Variants in MAP2 observed in about 807,000 individuals in gnomAD.
The protein encoded by MAP2 is microtubule-associated protein 2.
In MAP2, 14 loss-of-function variants were observed where a neutral mutation model predicts 137.6. The observed-to-expected ratio is 0.10, with a 90% CI of 0.07 to 0.16. MAP2 has a LOEUF of 0.16. Ranked by LOEUF, MAP2 falls within the 10% of genes least tolerant of loss-of-function variation. MAP2 has a pLI of 1.00. For missense variants in MAP2, 2,088 were observed against 2,191.5 expected (o/e 0.95, Z 0.94); for synonymous variants, 786 against 782.3 (o/e 1.00, Z -0.08).
At chr2:209,594,698 A>G (rs969040476) in intron 3 of MAP2, among the ~76,000 whole-genome samples, 5 of 152,280 alleles carry the variant, frequency 3.3e-5, no homozygotes, top group African/African-American at 1.2e-4. Flanking sequence ...CTGAATATTC[A>G]TAATAACAGT....
chr2:209,696,296 A>T lies in MAP2; in HGVS notation c.4126A>T (p.Thr1376Ser). The T allele has an allele frequency of 6.3e-7, 1 of 1,596,320 alleles. No homozygotes were observed. Among genetic ancestry groups the T allele is most frequent in the Non-Finnish European group, 8.5e-7 (1 of 1,174,374 alleles). Reference protein sequence around the residue: ...TETYDDYKDETTIDDSIMDAD... With the variant: ...TETYDDYKDESTIDDSIMDAD... ...AACCTATGACGATTACAAAGATGAG[A>T]CCACCATTGACGACTCCATCATGGA... Residue 1376 changes from threonine (T) to serine (S), a missense_variant, in exon 8 of 16, where the codon ACC (threonine) becomes TCC (serine). Transcript: ENST00000682079.
intron 13 of MAP2, among the ~76,000 whole-genome samples, chr2:209,720,036 G>A (rs951162947): frequency 2.0e-5 from 3 of 152,116 alleles, no homozygotes; most frequent in African/African-American, 7.2e-5. Context: ...ATAAAACACA[G>A]GGATGAACTT....
At chr2:209,447,503 C>G (rs1217815328) in intron 1 of MAP2, among the ~76,000 whole-genome samples, 1 of 152,050 alleles carries the variant, frequency 6.6e-6, no homozygotes, top group Non-Finnish European at 1.5e-5. Context: ...GGTAGCAACT[C>G]TCTCATTCAT....
chr2:209,503,742 T>C (rs1321538357), intron 1 of MAP2, among the ~76,000 whole-genome samples: 1 of 152,154 alleles, frequency 6.6e-6, no homozygotes, highest in Non-Finnish European at 1.5e-5. Flanking sequence ...TTTTCAACTG[T>C]TTCTTTAAAT....
intron 2 of MAP2, among the ~76,000 whole-genome samples, chr2:209,548,023 A>T (rs937036942): frequency 6.6e-6 from 1 of 152,200 alleles, no homozygotes; most frequent in Non-Finnish European, 1.5e-5. Context: ...GTGAAGCTTT[A>T]TATGGTGCTT....
chr2:209,452,732 A>G (rs1435245217), intron 1 of MAP2, among the ~76,000 whole-genome samples: 2 of 152,192 alleles, frequency 1.3e-5, no homozygotes, highest in African/African-American at 4.8e-5. Flanking sequence ...GCCTGCATAC[A>G]TACCTCAGTA....
At chr2:209,434,746 A>G (rs1175652472) in intron 1 of MAP2, among the ~76,000 whole-genome samples, 1 of 150,280 alleles carries the variant, frequency 6.7e-6, no homozygotes, top group Admixed American at 6.7e-5. Flanking sequence ...TGCTTGAACC[A>G]TAGAGTTTAA....
At chr2:209,522,629 G>T (rs4673483) in intron 2 of MAP2, among the ~76,000 whole-genome samples, 4,246 of 152,258 alleles carry the variant, frequency 0.028, 420 homozygotes, top group East Asian at 0.22. Context: ...GCCTGCACTT[G>T]TAGGTCTCTG....
At chr2:209,608,436 G>T (rs1482099087) in intron 3 of MAP2, among the ~76,000 whole-genome samples, 1 of 152,000 alleles carries the variant, frequency 6.6e-6, no homozygotes, top group Non-Finnish European at 1.5e-5. Context: ...GCTGGGGTGT[G>T]CCACCACACC....
At chr2:209,531,977 G>A (rs1210342974) in intron 2 of MAP2, among the ~76,000 whole-genome samples, 1 of 152,048 alleles carries the variant, frequency 6.6e-6, no homozygotes, top group African/African-American at 2.4e-5. Flanking sequence ...GGTGGCTCAC[G>A]CCTGAAATCC....
At chr2:209,701,429 A>G (rs2061726616) in intron 11 of MAP2, among the ~76,000 whole-genome samples, 1 of 151,924 alleles carries the variant, frequency 6.6e-6, no homozygotes, top group South Asian at 2.1e-4. Context: ...TCACTCCTTT[A>G]TGATTGAAAG....
At chr2:209,690,783 A>G in intron 7 of MAP2, 1 of 1,289,802 alleles carries the variant, frequency 7.8e-7, no homozygotes, top group Non-Finnish European at 1.0e-6. Flanking sequence ...GCCCCACATG[A>G]GAAAAGTGTA....
intron 7 of MAP2, among the ~76,000 whole-genome samples, chr2:209,688,878 G>A (rs1456166700): frequency 3.3e-5 from 5 of 152,142 alleles, no homozygotes; most frequent in Non-Finnish European, 7.4e-5. Flanking sequence ...CATAATAAAC[G>A]TCTTCAAGGA....
chr2:209,451,082 A>G (rs1278217852), intron 1 of MAP2, among the ~76,000 whole-genome samples: 1 of 152,150 alleles, frequency 6.6e-6, no homozygotes, highest in Non-Finnish European at 1.5e-5. Flanking sequence ...ATGTAATCCA[A>G]ATCCACATAC....
chr2:209,529,545 A>T (rs151146721), intron 2 of MAP2, among the ~76,000 whole-genome samples: 1 of 152,130 alleles, frequency 6.6e-6, no homozygotes, highest in Non-Finnish European at 1.5e-5. Context: ...TATGGGTCTG[A>T]TTATCACAAA....
At chr2:209,471,580 T>G (rs1436751833) in intron 1 of MAP2, among the ~76,000 whole-genome samples, 1 of 152,196 alleles carries the variant, frequency 6.6e-6, no homozygotes, top group Admixed American at 6.5e-5. Context: ...CTAAAAGTTT[T>G]TAAGAACTGT....
intron 2 of MAP2, among the ~76,000 whole-genome samples, chr2:209,570,031 A>G (rs2074130952): frequency 6.6e-6 from 1 of 151,690 alleles, no homozygotes; most frequent in Non-Finnish European, 1.5e-5. Flanking sequence ...TGTTTTCCTC[A>G]CCTCCAGGAA....
At chr2:209,723,849 T>G (rs531837985) in intron 13 of MAP2, among the ~76,000 whole-genome samples, 70 of 152,304 alleles carry the variant, frequency 4.6e-4, no homozygotes, top group Middle Eastern at 3.4e-3. Context: ...GCATTTTCAG[T>G]GATGGACTTC....
chr2:209,473,766 T>C (rs1255068901), intron 1 of MAP2, among the ~76,000 whole-genome samples: 1 of 152,116 alleles, frequency 6.6e-6, no homozygotes, highest in Non-Finnish European at 1.5e-5. Flanking sequence ...AAGTAACTAA[T>C]GAAAAATTAG....
Sources: allele counts gnomAD v4.1 joint callset (sites outside exome capture counted in the v4.1 genomes callset), GRCh38; gene constraint gnomAD v4.1.1; transcripts MANE v1.5; gene names NCBI Gene and HGNC (gene_info 2026-07-23, HGNC 2026-07-21).